APBA1: variants seen among roughly 807,000 people sequenced by gnomAD.
APBA1 encodes amyloid beta precursor protein binding family A member 1, also known as amyloid-beta A4 precursor protein-binding family A member 1.
In APBA1, 55 loss-of-function variants were observed where a neutral mutation model predicts 86.6. That is an observed-to-expected ratio of 0.64 (90% CI 0.51 to 0.80). The LOEUF is 0.80. Among genes scored for constraint, APBA1 ranks in the 30% least tolerant of loss-of-function variants. APBA1 has a pLI of 0.00. For synonymous variants in APBA1, 511 were observed against 493.9 expected (o/e 1.03, Z -0.46); for missense variants, 1,090 against 1,183.0 (o/e 0.92, Z 1.15).
chr9:69,445,095 G>T (rs987632185), intron 10 of APBA1, among the ~76,000 whole-genome samples: 7 of 152,190 alleles, frequency 4.6e-5, no homozygotes, highest in Non-Finnish European at 8.8e-5. Context: ...ATGCTTGTGT[G>T]ATACAGAAAA....
chr9:69,441,843 G>A (rs1284503081), intron 10 of APBA1, among the ~76,000 whole-genome samples: 1 of 152,210 alleles, frequency 6.6e-6, no homozygotes, highest in Non-Finnish European at 1.5e-5. Flanking sequence ...GGAGCGTAGA[G>A]GGAAAGCTGA....
intron 1 of APBA1, among the ~76,000 whole-genome samples, chr9:69,580,508 C>A (rs1247079694): frequency 1.3e-5 from 2 of 152,020 alleles, no homozygotes; most frequent in Admixed American, 1.3e-4. Context: ...CATGACCAAC[C>A]CTCCTGGCCC....
At chr9:69,458,873 C>T (rs915765464) in intron 5 of APBA1, among the ~76,000 whole-genome samples, 2 of 150,690 alleles carry the variant, frequency 1.3e-5, no homozygotes, top group Non-Finnish European at 1.5e-5. Context: ...ATGGCATGAT[C>T]TTGGCTCACC....
intron 11 of APBA1, among the ~76,000 whole-genome samples, chr9:69,436,570 GCTCT>G (rs200420797): frequency 0.26 from 28,813 of 111,510 alleles, 3,828 homozygotes; most frequent in East Asian, 0.37. Flanking sequence ...TCATGATTTG[GCTCT>G]CTGTTTGTTG....
In APBA1 at chr9:69,471,733, CATA is replaced by C. The variant is rs781588871; in HGVS notation, c.1297-41_1297-39del. On this transcript the variant is annotated intron_variant, in intron 3 of 12. Transcript: ENST00000265381. ...CAAAGAGGTTTCAAAAAGAGCAAAG[CATA>C]ATGAAATATGAATTAACACAATCAT... 7 of 1,558,474 alleles carry C rather than the reference CATA, an allele frequency of 4.5e-6. No homozygotes were observed. The African/African-American group carries it at 9.5e-5, about 21-fold the overall frequency.
At chr9:69,439,379 A>G (rs1834765516) in intron 11 of APBA1, among the ~76,000 whole-genome samples, 2 of 151,524 alleles carry the variant, frequency 1.3e-5, no homozygotes, top group Admixed American at 6.6e-5. Flanking sequence ...GTGTTTTCCA[A>G]CTTGGTTCCA....
At chr9:69,650,786 CATCT>C (rs1823483606) in intron 1 of APBA1, among the ~76,000 whole-genome samples, 1 of 152,168 alleles carries the variant, frequency 6.6e-6, no homozygotes, top group South Asian at 2.1e-4. Flanking sequence ...TGTATACATA[CATCT>C]ATCCTTGAAT....
chr9:69,558,402 C>T (rs1836894761), intron 1 of APBA1, among the ~76,000 whole-genome samples: 1 of 151,774 alleles, frequency 6.6e-6, no homozygotes, highest in South Asian at 2.1e-4. Context: ...TTTCTATGCT[C>T]CTGTTTTTCT....
At chr9:69,625,965 C>T (rs1397201846) in intron 1 of APBA1, among the ~76,000 whole-genome samples, 3 of 152,122 alleles carry the variant, frequency 2.0e-5, no homozygotes, top group East Asian at 1.9e-4. Context: ...ATCTGAGTTA[C>T]TTGATAAGGG....
intron 1 of APBA1, among the ~76,000 whole-genome samples, chr9:69,635,606 T>C (rs1424542280): frequency 6.6e-6 from 1 of 151,672 alleles, no homozygotes; most frequent in Non-Finnish European, 1.5e-5. Flanking sequence ...AGAAATACAC[T>C]TCACCTATAA....
At chr9:69,441,238 T>G in intron 10 of APBA1, 123 bp from the exon 11 acceptor site, 17 of 1,183,274 alleles carry the variant, frequency 1.4e-5, no homozygotes, top group Non-Finnish European at 1.9e-5. Flanking sequence ...ACTGCCTGCT[T>G]GCCTGCAGGC....
intron 1 of APBA1, among the ~76,000 whole-genome samples, chr9:69,595,303 T>C (rs1001443896): frequency 1.3e-5 from 2 of 152,194 alleles, no homozygotes; most frequent in Non-Finnish European, 2.9e-5. Context: ...TCTAGTTTAG[T>C]TTCCATGGGA....
intron 2 of APBA1, among the ~76,000 whole-genome samples, chr9:69,515,167 T>C (rs547442663): frequency 1.1e-4 from 17 of 152,334 alleles, no homozygotes; most frequent in Middle Eastern, 3.4e-3. Flanking sequence ...CCTTCTTTTC[T>C]GACACAGAGC....
chr9:69,569,223 C>G (rs1837077277), intron 1 of APBA1, among the ~76,000 whole-genome samples: 1 of 152,216 alleles, frequency 6.6e-6, no homozygotes, highest in South Asian at 2.1e-4. Context: ...CACCAACACA[C>G]ACACCCCACC....
chr9:69,514,528 G>T (rs940046704), intron 2 of APBA1, among the ~76,000 whole-genome samples: 22 of 151,122 alleles, frequency 1.5e-4, no homozygotes, highest in Admixed American at 7.9e-4. Context: ...GGCGGAGGTT[G>T]CAGTGAGCCG....
chr9:69,584,726 A>G (rs1821984437), intron 1 of APBA1, among the ~76,000 whole-genome samples: 1 of 152,192 alleles, frequency 6.6e-6, no homozygotes, highest in South Asian at 2.1e-4. Flanking sequence ...AATCCATCCC[A>G]CTGATTATAA....
chr9:69,515,241 A>G (rs759508259), intron 2 of APBA1, among the ~76,000 whole-genome samples: 6 of 152,110 alleles, frequency 3.9e-5, no homozygotes, highest in Non-Finnish European at 5.9e-5. Context: ...CCACATTCCC[A>G]TTCTTTCTTC....
chr9:69,665,250 G>C (rs895570276), intron 1 of APBA1, among the ~76,000 whole-genome samples: 1 of 152,152 alleles, frequency 6.6e-6, no homozygotes, highest in Non-Finnish European at 1.5e-5. Context: ...GCTGCCCACC[G>C]TGGTAACCTG....
chr9:69,486,152 G>A (rs1257362326), intron 2 of APBA1, among the ~76,000 whole-genome samples: 1 of 151,838 alleles, frequency 6.6e-6, no homozygotes, highest in Admixed American at 6.6e-5. Flanking sequence ...GGGTTTCATC[G>A]TGTTGGCCAG....
Sources: allele counts gnomAD v4.1 joint callset (sites outside exome capture counted in the v4.1 genomes callset), GRCh38; gene constraint gnomAD v4.1.1; transcripts MANE v1.5; gene names NCBI Gene and HGNC (gene_info 2026-07-23, HGNC 2026-07-21).